The following PTPRM variants were observed in gnomAD, a reference collection of about 807,000 sequenced individuals.
The protein encoded by PTPRM is receptor-type tyrosine-protein phosphatase mu.
PTPRM carries 47 observed loss-of-function variants against 186.7 expected under a neutral mutation model. The observed-to-expected ratio is 0.25, with a 90% CI of 0.20 to 0.32. The LOEUF (loss-of-function observed/expected upper bound fraction) is 0.32. PTPRM is among the 10% of genes least tolerant of loss of function. The pLI, the probability that PTPRM is intolerant of heterozygous loss-of-function variation, is 1.00. For synonymous variants in PTPRM, 668 were observed against 674.9 expected, an observed-to-expected ratio of 0.99 and a Z score of 0.16; for missense variants, 1,494 against 1,865.0, an observed-to-expected ratio of 0.80 and a Z score of 3.66.
rs1555845744 is a variant in PTPRM at position 8,289,575 on chromosome 18, T to TATAC, written c.2755-6792_2755-6791insTACA. Among the ~76,000 whole-genome samples the TATAC allele has an allele frequency of 1.8e-4, 20 of 109,212 alleles. 1 individual carries two copies. The highest frequency in any genetic ancestry group is 9.1e-4 in the African/African-American group (20 of 21,922). The allele number at this position is 109,212 out of a possible 152,430, so 71.6% of individuals were successfully genotyped here. ...ACATATATATACACATATATATATA[T>TATAC]ACATATATATATACACATATATATA... On this transcript the variant is annotated intron_variant, in intron 19 of 32. Transcript: ENST00000580170.
chr18:7,587,266 G>C (rs1233921631), intron 1 of PTPRM, among the ~76,000 whole-genome samples: 2 of 152,080 alleles, frequency 1.3e-5, no homozygotes, highest in Non-Finnish European at 2.9e-5. Flanking sequence ...TTACTTACTG[G>C]TTGAGTTAAA....
rs146873781 is a variant in PTPRM, at chr18:7,933,456, G to A, written c.663+6773G>A. Among the ~76,000 whole-genome samples, 184 of 152,314 alleles carry A rather than the reference G, an allele frequency of 1.2e-3. 1 individual carries two copies. The highest frequency in any genetic ancestry group is 4.3e-3 in the African/African-American group (180 of 41,570). ...GTAAGTGCTTAGTTAAGATATACAA[G>A]GAGGCATTAAGTTTGTGTGTGCAAG... On this transcript the variant is annotated intron_variant, in intron 5 of 32. Transcript: ENST00000580170.
At chr18:8,209,257 G>C (rs1301744904) in intron 14 of PTPRM, among the ~76,000 whole-genome samples, 1 of 152,154 alleles carries the variant, frequency 6.6e-6, no homozygotes, top group Non-Finnish European at 1.5e-5. Context: ...GGACACAAGC[G>C]AAGAGACTGC....
At chr18:8,197,826 T>C (rs1209843002) in intron 14 of PTPRM, among the ~76,000 whole-genome samples, 1 of 152,198 alleles carries the variant, frequency 6.6e-6, no homozygotes, top group African/African-American at 2.4e-5. Flanking sequence ...CAAGATAATA[T>C]TCTCTAATTC....
At chr18:7,620,709 C>T (rs2037917026) in intron 1 of PTPRM, among the ~76,000 whole-genome samples, 1 of 152,176 alleles carries the variant, frequency 6.6e-6, no homozygotes, top group Non-Finnish European at 1.5e-5. Context: ...GTGCTCAGAT[C>T]ATCACATGGA....
intron 14 of PTPRM, among the ~76,000 whole-genome samples, chr18:8,197,121 T>C (rs1424904997): frequency 2.0e-5 from 3 of 152,160 alleles, no homozygotes; most frequent in Non-Finnish European, 4.4e-5. Flanking sequence ...TCAGAAATAG[T>C]TGTTGAGTGT....
intron 3 of PTPRM, among the ~76,000 whole-genome samples, chr18:7,901,345 AC>A (rs2049671207): frequency 1.3e-5 from 2 of 151,902 alleles, no homozygotes; most frequent in Non-Finnish European, 2.9e-5. Flanking sequence ...GTTTAAGATG[AC>A]CCTCATCCTT....
intron 1 of PTPRM, among the ~76,000 whole-genome samples, chr18:7,690,430 A>G (rs898532132): frequency 1.3e-5 from 2 of 152,210 alleles, no homozygotes; most frequent in African/African-American, 4.8e-5. Flanking sequence ...ACATTATTAT[A>G]CATATCACAT....
intron 2 of PTPRM, among the ~76,000 whole-genome samples, chr18:7,843,975 G>A (rs912549498): frequency 2.6e-5 from 4 of 152,194 alleles, no homozygotes; most frequent in African/African-American, 9.7e-5. Context: ...TCTTCATGTG[G>A]TCTGGGATTC....
At chr18:8,175,155 T>G (rs1468407730) in intron 14 of PTPRM, among the ~76,000 whole-genome samples, 4 of 152,216 alleles carry the variant, frequency 2.6e-5, no homozygotes, top group Non-Finnish European at 5.9e-5. Flanking sequence ...AGATTGAGCT[T>G]CGTAATTAGA....
At chr18:7,967,183 C>G (rs1230694141) in intron 7 of PTPRM, among the ~76,000 whole-genome samples, 1 of 36,436 alleles carries the variant, frequency 2.7e-5, no homozygotes, top group Admixed American at 3.0e-4. Flanking sequence ...GAGGCACCCC[C>G]CAGCAGGGGC....
chr18:7,665,343 C>T (rs1387162673), intron 1 of PTPRM, among the ~76,000 whole-genome samples: 2 of 152,056 alleles, frequency 1.3e-5, no homozygotes, highest in Admixed American at 1.3e-4. Context: ...TGAACTTTTC[C>T]TTATGATGTT....
At chr18:8,376,816 C>A in intron 26 of PTPRM, 1 of 537,778 alleles carries the variant, frequency 1.9e-6, no homozygotes, top group Non-Finnish European at 3.0e-6. Flanking sequence ...GTAACAGAAT[C>A]AAGAGCCCAA....
intron 1 of PTPRM, among the ~76,000 whole-genome samples, chr18:7,652,936 G>A (rs553049471): frequency 7.2e-5 from 11 of 151,940 alleles, no homozygotes; most frequent in African/African-American, 2.7e-4. Context: ...AAGGGTTCAT[G>A]CCCCAAATAT....
At chr18:7,586,006 A>G (rs1363441464) in intron 1 of PTPRM, among the ~76,000 whole-genome samples, 2 of 152,122 alleles carry the variant, frequency 1.3e-5, no homozygotes, top group African/African-American at 4.8e-5. Flanking sequence ...AGCGCTTTTT[A>G]ATTATGTATT....
intron 20 of PTPRM, among the ~76,000 whole-genome samples, chr18:8,297,227 T>A (rs753392304): frequency 6.6e-6 from 1 of 152,206 alleles, no homozygotes; most frequent in Non-Finnish European, 1.5e-5. Flanking sequence ...TTTATAAAGA[T>A]ACATAAATTT....
Position 7,568,692 on chromosome 18 carries a change from C to T in PTPRM, c.73+801C>T, listed in dbSNP as rs918059905. On this transcript the variant is annotated intron_variant, in intron 1 of 32. Transcript: ENST00000580170. This position sits in a 1 kb window ranked among gnomAD's most constrained non-coding sequence, Gnocchi z 5.1. The stretch of plus-strand genomic sequence containing the variant: ...CCCAGGTGGGAAGGAGAGGCACTGG[C>T]GGTGTGCGAGCAAGCGTGTGAGTGT... Among the ~76,000 whole-genome samples, 4 of 152,168 alleles carry T rather than the reference C, an allele frequency of 2.6e-5. No individual in the cohort carries two copies. Among genetic ancestry groups the T allele is most frequent in the African/African-American group, 7.2e-5 (3 of 41,462 alleles).
chr18:8,378,704 G>A (rs1382839608), intron 27 of PTPRM, among the ~76,000 whole-genome samples: 19 of 152,150 alleles, frequency 1.2e-4, no homozygotes. Flanking sequence ...AGGCAGACAT[G>A]GACTAGTCCC....
intron 1 of PTPRM, among the ~76,000 whole-genome samples, chr18:7,582,723 C>T (rs1257606702): frequency 6.6e-6 from 1 of 152,234 alleles, no homozygotes; most frequent in Admixed American, 6.5e-5. Flanking sequence ...CAAGGGCCAG[C>T]ACTGCTGCTT....
Sources: gnomAD v4.1 joint callset for allele counts (sites outside exome capture counted in the v4.1 genomes callset) on GRCh38, gnomAD v4.1.1 for gene constraint, Gnocchi (gnomAD v3.1) non-coding constraint, MANE v1.5 for transcripts, NCBI Gene and HGNC (gene_info 2026-07-23, HGNC 2026-07-21) for gene names.